CEP250: variants seen among roughly 807,000 people sequenced by gnomAD.
CEP250 encodes centrosome-associated protein CEP250.
Under a neutral mutation model 315.7 loss-of-function variants are expected in CEP250, and 242 were observed. The observed-to-expected ratio is 0.77, with a 90% CI of 0.69 to 0.85. The LOEUF is 0.85. Ranked by LOEUF, CEP250 falls within the 40% of genes least tolerant of loss-of-function variation. CEP250 has a pLI of 0.00. For missense variants in CEP250, 2,515 were observed against 2,886.4 expected, an observed-to-expected ratio of 0.87 and a Z score of 2.95; for synonymous variants, 1,088 against 1,175.0, an observed-to-expected ratio of 0.93 and a Z score of 1.51.
intron 33 of CEP250, 44 bp downstream of exon 33, chr20:35,509,088 C>T (rs1020610895): frequency 3.3e-6 from 5 of 1,492,838 alleles, no homozygotes; most frequent in Admixed American, 2.0e-5. Context: ...AGCCCAACCC[C>T]AGCCACCAGA....
At chr20:35,465,955 A>G (rs1230041288) in intron 6 of CEP250, 84 bp from the exon 7 acceptor site, 1 of 1,559,754 alleles carries the variant, frequency 6.4e-7, no homozygotes, top group African/African-American at 1.4e-5. Flanking sequence ...GGAAAATTTC[A>G]GTGGTTGCCA....
chr20:35,465,732 G>T lies in CEP250; in HGVS notation c.244-11G>T. On this transcript the variant is annotated splice_polypyrimidine_tract_variant and intron_variant, in intron 5 of 34. Coordinates refer to ENST00000397527, the MANE Select transcript of CEP250 (RefSeq NM_007186.6). ...TTGGAGGTAAGTAAGGCTTGTCTCTGTCTGGCGCAGGGACCAATCCCCCAG... is the reference window on the plus strand; with the variant it reads ...TTGGAGGTAAGTAAGGCTTGTCTCTTTCTGGCGCAGGGACCAATCCCCCAG... 1 of 1,583,448 alleles carries T rather than the reference G, an allele frequency of 6.3e-7. No homozygotes were observed. Among genetic ancestry groups the T allele is most frequent in the Non-Finnish European group, 8.6e-7 (1 of 1,165,580 alleles).
intron 7 of CEP250, among the ~76,000 whole-genome samples, chr20:35,466,433 ACACT>A (rs2062879802): frequency 6.6e-6 from 1 of 152,138 alleles, no homozygotes; most frequent in South Asian, 2.1e-4. Flanking sequence ...AGGTAGCATG[ACACT>A]CAGAGCAACT....
intron 9 of CEP250, among the ~76,000 whole-genome samples, chr20:35,469,471 T>C (rs1568765494): frequency 6.6e-6 from 1 of 152,322 alleles, no homozygotes; most frequent in East Asian, 1.9e-4. Flanking sequence ...CTTCCCCAAA[T>C]TGCCCTTCCT....
In CEP250 at chr20:35,518,467, C is replaced by G. The variant is rs139985232; in HGVS notation, c.*6841C>G. The G allele has an allele frequency of 6.6e-6, 1 of 152,168 alleles. No homozygotes were observed. The highest frequency in any genetic ancestry group is 1.5e-5 in the Non-Finnish European group (1 of 68,044). 9.4% of individuals were successfully genotyped at this position (152,168 alleles called of 1,614,324 possible). On this transcript the variant is annotated 3_prime_UTR_variant, in exon 35 of 35. Transcript: ENST00000397527. ...ACTGAGGCTATTTGGTTACCCTGAACTACTGTTTCTACCAAAAAGGCAGGA... is the reference window on the plus strand; with the variant it reads ...ACTGAGGCTATTTGGTTACCCTGAAGTACTGTTTCTACCAAAAAGGCAGGA...
At position 35,512,071 on chromosome 20, in the gene CEP250, C is replaced by G. The variant is rs2064376692; in HGVS notation, c.*445C>G. On this transcript the variant is annotated 3_prime_UTR_variant, in exon 35 of 35. Coordinates refer to ENST00000397527, the MANE Select transcript of CEP250 (RefSeq NM_007186.6). Reference sequence around the variant, plus strand: ...TTGCCAAAGATTCCTGTTGAGGTAGCATGCATTTATTGTACACCATGCACT... The same window carrying G: ...TTGCCAAAGATTCCTGTTGAGGTAGGATGCATTTATTGTACACCATGCACT... 1 of 1,018,174 alleles carries G rather than the reference C, an allele frequency of 9.8e-7. No individual in the cohort carries two copies. Among genetic ancestry groups the G allele is most frequent in the South Asian group, 4.1e-5 (1 of 24,620 alleles). The allele number at this position is 1,018,174 out of a possible 1,614,324, so 63.1% of individuals were successfully genotyped here.
chr20:35,491,147 G>T, intron 21 of CEP250, 65 bp from the exon 22 acceptor site: 1 of 1,569,364 alleles, frequency 6.4e-7, no homozygotes, highest in Non-Finnish European at 8.7e-7. Context: ...GGATGTGCTT[G>T]TGGCCTCGTT....
intron 34 of CEP250, 105 bp from the exon 35 acceptor site, chr20:35,511,258 C>T: frequency 1.1e-6 from 1 of 948,332 alleles, no homozygotes; most frequent in Non-Finnish European, 1.6e-6. Context: ...AGAGTTGATT[C>T]AGATGATCAG....
Position 35,465,795 on chromosome 20 carries a change from T to G in CEP250, c.296T>G (p.Leu99Arg), listed in dbSNP as rs2062864018. ...GTGGAGGAGCCAAACCTGGATGAGCTGCTGGTCCGATTGGAGGAGGAGCAA... is the reference window on the plus strand; with the variant it reads ...GTGGAGGAGCCAAACCTGGATGAGCGGCTGGTCCGATTGGAGGAGGAGCAA... ...ENVEEPNLDE[L>R]LVRLEEEQQR... Residue 99 changes from leucine to arginine, a missense_variant, in exon 6 of 35, where the codon CTG becomes CGG. Physicochemically the swap from Leu to Arg is moderately radical, Grantham distance 102 (BLOSUM62 -2). Coordinates refer to ENST00000397527, the MANE Select transcript of CEP250 (RefSeq NM_007186.6). 1 of 1,610,292 alleles carries G rather than the reference T, an allele frequency of 6.2e-7. No homozygotes were observed. The highest frequency in any genetic ancestry group is 8.5e-7 in the Non-Finnish European group (1 of 1,178,774).
chr20:35,476,408 A>G, intron 15 of CEP250, 41 bp from the exon 16 acceptor site: 2 of 1,591,472 alleles, frequency 1.3e-6, no homozygotes, highest in South Asian at 2.2e-5. Context: ...GTTCCAGGAA[A>G]ATTGGAAATA....
intron 1 of CEP250, among the ~76,000 whole-genome samples, chr20:35,457,804 CA>C (rs1342002140): frequency 6.6e-6 from 1 of 151,966 alleles, no homozygotes; most frequent in African/African-American, 2.4e-5. Flanking sequence ...GTCTCAAAAA[CA>C]AAACAAAACA....
chr20:35,458,964 A>ATTTTTTTTTTTTTTTTTTTT (rs1332089448), intron 2 of CEP250, among the ~76,000 whole-genome samples: 1 of 91,364 alleles, frequency 1.1e-5, no homozygotes, highest in African/African-American at 4.7e-5. Context: ...TATAATGCAA[A>ATTTTTTTTTTTTTTTTTTTT]TCTTTTTTTT....
chr20:35,486,078 G>T (rs6088859), intron 20 of CEP250, among the ~76,000 whole-genome samples: 1 of 147,366 alleles, frequency 6.8e-6, no homozygotes, highest in South Asian at 2.1e-4. Context: ...CTGTTGCACA[G>T]GCAGTGGTGC....
intron 9 of CEP250, among the ~76,000 whole-genome samples, chr20:35,469,127 T>C (rs6060430): frequency 0.34 from 52,124 of 151,854 alleles, 10,337 homozygotes; most frequent in African/African-American, 0.54. Flanking sequence ...CTGGACAACA[T>C]AGTGAGACCT....
chr20:35,455,426 C>G (rs1251315126), upstream of CEP250: 1 of 152,306 alleles, frequency 6.6e-6, no homozygotes, highest in Non-Finnish European at 1.5e-5. Context: ...GCCTCAGCTT[C>G]TTGCTGCCGC....
rs1263630381 is a variant in CEP250 at position 35,476,574 on chromosome 20, G to T, written c.1842G>T (p.Gly614=). 6.2e-7 allele frequency: 1 copy of T among 1,613,306 alleles called. No individual in the cohort carries two copies. The highest frequency in any genetic ancestry group is 8.5e-7 in the Non-Finnish European group (1 of 1,179,266). Reference sequence around the variant, plus strand: ...AGGCTTTGGCGTTAGATAAAGTTGGGCTGAACCAGCAGCTTCTCCAGGTGA... The same window carrying T: ...AGGCTTTGGCGTTAGATAAAGTTGGTCTGAACCAGCAGCTTCTCCAGGTGA... ...LNEALALDKV[G]LNQQLLQLEE... Residue 614 remains glycine, a synonymous_variant, in exon 16 of 35, where the codon GGG becomes GGT. Coordinates refer to ENST00000397527, the MANE Select transcript of CEP250 (RefSeq NM_007186.6).
At position 35,480,110 on chromosome 20, in the gene CEP250, C is replaced by T. The variant is rs1601190359; in HGVS notation, c.2551C>T (p.His851Tyr). ...TGCCTTGGAGCAGCAGAAGGCAGCC[C>T]ATGAGAAAGAGGTGAACCAGCTCCG... ...KTALEQQKAAHEKEVNQLREK... is the reference protein window; with the variant it reads ...KTALEQQKAAYEKEVNQLREK... The change falls in exon 20 of 35, where the codon CAT (histidine) becomes TAT (tyrosine). Residue 851 changes from histidine (H) to tyrosine (Y), a missense_variant. Transcript: ENST00000397527. 1 of 1,612,428 alleles carries T rather than the reference C, an allele frequency of 6.2e-7. No individual in the cohort carries two copies. Among genetic ancestry groups the T allele is most frequent in the East Asian group, 2.2e-5 (1 of 44,870 alleles).
rs1023005712 is a variant in CEP250 at position 35,479,384 on chromosome 20, C to T, written c.2248C>T (p.Arg750Cys). ...ALEVRLQAVE[R>C]DRQDLAEQLQ... ...AGAGGTGCGGCTGCAGGCCGTGGAGCGTGACCGGCAGGACCTCGCTGAACA... is the reference window on the plus strand; with the variant it reads ...AGAGGTGCGGCTGCAGGCCGTGGAGTGTGACCGGCAGGACCTCGCTGAACA... Residue 750 changes from arginine (R) to cysteine (C), a missense_variant, in exon 18 of 35, where the codon CGT becomes TGT. Transcript: ENST00000397527. 21 of 1,614,006 alleles carry T rather than the reference C, an allele frequency of 1.3e-5. No homozygotes were observed. Among genetic ancestry groups the T allele is most frequent in the East Asian group, 6.7e-5 (3 of 44,898 alleles).
intron 11 of CEP250, 131 bp downstream of exon 11, chr20:35,472,282 T>C (rs1309304487): frequency 4.6e-6 from 3 of 654,666 alleles, no homozygotes; most frequent in East Asian, 2.7e-5. Flanking sequence ...GGATGAGTTT[T>C]GTGTGTTTGA....
Sources: allele counts gnomAD v4.1 joint callset (sites outside exome capture counted in the v4.1 genomes callset), GRCh38; gene constraint gnomAD v4.1.1; transcripts MANE v1.5; gene names NCBI Gene and HGNC (gene_info 2026-07-23, HGNC 2026-07-21).